The following SOS1 variants were observed in gnomAD, a reference collection of about 807,000 sequenced individuals.
The protein encoded by SOS1 is SOS Ras/Rac guanine nucleotide exchange factor 1, also known as son of sevenless homolog 1.
Under a neutral mutation model 157.6 loss-of-function variants are expected in SOS1, and 25 were observed. That is an observed-to-expected ratio of 0.16 (90% confidence interval 0.12 to 0.22). The LOEUF (loss-of-function observed/expected upper bound fraction) is 0.22. Among genes scored for constraint, SOS1 ranks in the 10% least tolerant of loss-of-function variants. The pLI is 1.00. For synonymous variants in SOS1, 528 were observed against 534.0 expected, an observed-to-expected ratio of 0.99 and a Z score of 0.16; for missense variants, 1,237 against 1,599.1, an observed-to-expected ratio of 0.77 and a Z score of 3.86.
At position 39,106,602 on chromosome 2, in the gene SOS1, CA is replaced by C. The variant is rs11381609; in HGVS notation, c.87+13733del. Among the ~76,000 whole-genome samples the C allele has an allele frequency of 2.3e-4, 31 of 137,552 alleles. 2 individuals carry two copies. In the South Asian group the frequency reaches 6.5e-3, roughly 29 times the overall value. 90.2% of individuals were successfully genotyped at this position (137,552 alleles called of 152,430 possible). On this transcript the variant is annotated intron_variant, in intron 1 of 22. Coordinates refer to ENST00000402219, the MANE Select transcript of SOS1 (RefSeq NM_005633.4). ...CGAGACTCCGTCTCAAAAAAAAAAA[CA>C]AAAAAAAAAACAAAACATCTGAGTA...
chr2:39,103,234 T>C (rs753736494), intron 1 of SOS1, among the ~76,000 whole-genome samples: 2 of 152,106 alleles, frequency 1.3e-5, no homozygotes, highest in African/African-American at 4.8e-5. Flanking sequence ...CAATACTACC[T>C]AGAGCAATGT....
intron 1 of SOS1, among the ~76,000 whole-genome samples, chr2:39,112,549 C>A (rs1051962975): frequency 6.6e-6 from 1 of 152,120 alleles, no homozygotes; most frequent in Non-Finnish European, 1.5e-5. Context: ...GTGATCCTCT[C>A]ACCTCAGGCT....
At chr2:39,066,344 G>A (rs576168103) in intron 2 of SOS1, among the ~76,000 whole-genome samples, 1 of 152,290 alleles carries the variant, frequency 6.6e-6, no homozygotes, top group Admixed American at 6.5e-5. Flanking sequence ...TGCTGCAAAA[G>A]CAAAGTCACA....
rs58865034 is a variant in SOS1, at chr2:39,102,204, C to CAAAAA, written c.87+18127_87+18131dup. On this transcript the variant is annotated intron_variant, in intron 1 of 22. Coordinates refer to ENST00000402219, the MANE Select transcript of SOS1 (RefSeq NM_005633.4). ...CGGGTGACAGTGCGAGACTCTGTCT[C>CAAAAA]AAAAAAAAAAAAAAAAAAAAAAAAA... 2.9e-3 allele frequency among the ~76,000 whole-genome samples: 68 copies of CAAAAA among 23,750 alleles called. 17 individuals carry two copies. The highest frequency in any genetic ancestry group is 8.3e-3 in the African/African-American group (58 of 6,948). The allele number at this position is 23,750 out of a possible 152,430, so 15.6% of individuals were successfully genotyped here.
intron 6 of SOS1, among the ~76,000 whole-genome samples, chr2:39,038,492 T>C (rs745570900): frequency 6.6e-6 from 1 of 151,750 alleles, no homozygotes; most frequent in African/African-American, 2.4e-5. Context: ...TCCCAGCACT[T>C]TGGGAGGCCA....
chr2:39,115,852 C>T (rs1673630437), intron 1 of SOS1, among the ~76,000 whole-genome samples: 1 of 152,176 alleles, frequency 6.6e-6, no homozygotes. Flanking sequence ...AAAAGAGATG[C>T]CATGAACATT....
intron 15 of SOS1, 69 bp from the exon 16 acceptor site, chr2:39,007,262 T>C (rs1485415396): frequency 9.8e-7 from 1 of 1,019,246 alleles, no homozygotes; most frequent in Non-Finnish European, 1.6e-6. Context: ...TTAAAGAATT[T>C]AGTAAATAAA....
chr2:39,042,847 A>G, intron 6 of SOS1, among the ~76,000 whole-genome samples: 1 of 151,724 alleles, frequency 6.6e-6, no homozygotes, highest in East Asian at 1.9e-4. Flanking sequence ...ACTGTAACTG[A>G]GCACAGTAAT....
intron 22 of SOS1, among the ~76,000 whole-genome samples, chr2:38,986,987 A>AAGTAGAAAATTAATTAAT (rs543251069): frequency 0.015 from 2,223 of 152,286 alleles, 57 homozygotes; most frequent in African/African-American, 0.051. Flanking sequence ...ACAAAATTAA[A>AAGTAGAAAATTAATTAAT]TAAGTAGAAA....
chr2:39,043,940 T>C (rs1049501722), intron 6 of SOS1, among the ~76,000 whole-genome samples: 1 of 152,226 alleles, frequency 6.6e-6, no homozygotes, highest in Non-Finnish European at 1.5e-5. Context: ...GAAATACACT[T>C]TTGACTATTC....
intron 2 of SOS1, among the ~76,000 whole-genome samples, chr2:39,064,528 T>C (rs185010089): frequency 7.0e-4 from 106 of 152,110 alleles, no homozygotes; most frequent in African/African-American, 2.4e-3. Context: ...ATTTCAAGAA[T>C]ATACCATCAT....
intron 10 of SOS1, among the ~76,000 whole-genome samples, chr2:39,018,589 T>C (rs1669702196): frequency 6.6e-6 from 1 of 151,824 alleles, no homozygotes; most frequent in Non-Finnish European, 1.5e-5. Flanking sequence ...TATACCTACA[T>C]TAGTGTTCAG....
At chr2:39,091,119 T>C (rs1672579341) in intron 1 of SOS1, among the ~76,000 whole-genome samples, 1 of 152,220 alleles carries the variant, frequency 6.6e-6, no homozygotes, top group Non-Finnish European at 1.5e-5. Flanking sequence ...TCCACCCGCC[T>C]TGGCCTGCCA....
At chr2:39,047,422 C>G (rs987157324) in intron 6 of SOS1, among the ~76,000 whole-genome samples, 8 of 152,080 alleles carry the variant, frequency 5.3e-5, no homozygotes, top group African/African-American at 1.2e-4. Flanking sequence ...ATACTTAGCT[C>G]TAGTAGATAC....
chr2:39,043,257 G>T (rs1468672350), intron 6 of SOS1, among the ~76,000 whole-genome samples: 1 of 152,100 alleles, frequency 6.6e-6, no homozygotes, highest in African/African-American at 2.4e-5. Context: ...TACTAAAGTA[G>T]AATACTACAT....
Position 39,106,605 on chromosome 2 carries a change from A to AC in SOS1, c.87+13730_87+13731insG, listed in dbSNP as rs1169502340. 1.2e-3 allele frequency among the ~76,000 whole-genome samples: 184 copies of AC among 149,246 alleles called. 2 individuals carry two copies. The Middle Eastern group carries it at 0.017, about 14-fold the overall frequency. On this transcript the variant is annotated intron_variant, in intron 1 of 22. Transcript: ENST00000402219. ...GACTCCGTCTCAAAAAAAAAAACAA[A>AC]AAAAAAAACAAAACATCTGAGTAAT...
At chr2:39,068,046 G>T (rs1572867865) in intron 1 of SOS1, among the ~76,000 whole-genome samples, 1 of 152,166 alleles carries the variant, frequency 6.6e-6, no homozygotes, top group African/African-American at 2.4e-5. Flanking sequence ...TGGAACCCAG[G>T]AGGCAGAGGC....
intron 2 of SOS1, among the ~76,000 whole-genome samples, chr2:39,060,559 G>A (rs776822890): frequency 5.9e-5 from 9 of 152,160 alleles, no homozygotes; most frequent in Non-Finnish European, 1.3e-4. Context: ...CCAAGTAGCT[G>A]GCATTACAGG....
At chr2:39,037,944 T>C (rs755563410) in intron 6 of SOS1, among the ~76,000 whole-genome samples, 69 of 152,344 alleles carry the variant, frequency 4.5e-4, no homozygotes, top group Non-Finnish European at 7.1e-4. Flanking sequence ...TTTCAAAATA[T>C]TGACATTGCA....
Sources: allele counts gnomAD v4.1 joint callset (sites outside exome capture counted in the v4.1 genomes callset), GRCh38; gene constraint gnomAD v4.1.1; transcripts MANE v1.5; gene names NCBI Gene and HGNC (gene_info 2026-07-23, HGNC 2026-07-21).